The following UBE2F variants were observed in gnomAD, a reference collection of about 807,000 sequenced individuals.
The protein encoded by UBE2F is ubiquitin conjugating enzyme E2 F (putative).
UBE2F carries 5 observed loss-of-function variants against 29.6 expected under a neutral mutation model. That is an observed-to-expected ratio of 0.17 (90% CI 0.09 to 0.36). The LOEUF (loss-of-function observed/expected upper bound fraction) is 0.36. Ranked by LOEUF, UBE2F falls within the 10% of genes least tolerant of loss-of-function variation. UBE2F has a pLI of 1.00. For missense variants in UBE2F, 141 were observed against 228.5 expected (o/e 0.62, Z 2.47); for synonymous variants, 66 against 81.8 (o/e 0.81, Z 1.04).
chr2:238,018,154 G>A (rs953981982), intron 5 of UBE2F, among the ~76,000 whole-genome samples: 4 of 152,114 alleles, frequency 2.6e-5, no homozygotes, highest in Non-Finnish European at 5.9e-5. Context: ...ACCTGGCGAC[G>A]GAGCACTGCA....
Position 238,035,867 on chromosome 2 carries a change from C to T in UBE2F, c.445-11C>T. 1.2e-6 allele frequency: 2 copies of T among 1,608,926 alleles called. No individual in the cohort carries two copies. Among genetic ancestry groups the T allele is most frequent in the Non-Finnish European group, 1.7e-6 (2 of 1,177,116 alleles). ...CTCCCAATGTTTACTTTAAGTTTCT[C>T]TCTTTTTAAGGATCTTTTGAATTTT... On this transcript the variant is annotated splice_polypyrimidine_tract_variant and intron_variant, in intron 8 of 9. Transcript: ENST00000272930.
chr2:238,014,170 A>T (rs1400731377), intron 4 of UBE2F, among the ~76,000 whole-genome samples: 6 of 152,234 alleles, frequency 3.9e-5, no homozygotes, highest in Non-Finnish European at 5.9e-5. Context: ...CTTGGGTTTC[A>T]TCTCAGTCCA....
intron 5 of UBE2F, among the ~76,000 whole-genome samples, chr2:238,024,639 A>G (rs2064373683): frequency 3.9e-5 from 6 of 152,028 alleles, no homozygotes; most frequent in Non-Finnish European, 1.5e-5. Flanking sequence ...GGTATCTATC[A>G]TTAATTATAT....
At position 237,967,565 on chromosome 2, in the gene UBE2F, C is replaced by T. The variant is rs1167973953; in HGVS notation, c.-17+433C>T. 6.6e-6 allele frequency among the ~76,000 whole-genome samples: 1 copy of T among 152,106 alleles called. No homozygotes were observed. The highest frequency in any genetic ancestry group is 1.5e-5 in the Non-Finnish European group (1 of 67,978). On this transcript the variant is annotated intron_variant, in intron 1 of 9. Transcript: ENST00000272930. This position sits in a 1 kb window ranked among gnomAD's most constrained non-coding sequence, Gnocchi z 6.3. Reference sequence around the variant, plus strand: ...TCCAGCGCCTGGCCAAGGTCACCGGCCCGACGTGGCCGCAGAAACCGGGAC... The same window carrying T: ...TCCAGCGCCTGGCCAAGGTCACCGGTCCGACGTGGCCGCAGAAACCGGGAC...
chr2:237,998,516 G>A (rs189294205), intron 4 of UBE2F, among the ~76,000 whole-genome samples: 1,525 of 151,188 alleles, frequency 0.01, 15 homozygotes, highest in Middle Eastern at 0.028. Flanking sequence ...TAATGAATAT[G>A]TCATAATTTA....
intron 3 of UBE2F, among the ~76,000 whole-genome samples, chr2:237,993,229 G>A (rs1415402757): frequency 2.0e-5 from 3 of 151,950 alleles, no homozygotes; most frequent in Non-Finnish European, 4.4e-5. Flanking sequence ...CTCGTGAACC[G>A]CCTGCCTTGG....
intron 2 of UBE2F, chr2:237,986,088 C>A: frequency 3.4e-6 from 1 of 294,660 alleles, no homozygotes; most frequent in East Asian, 1.0e-4. Context: ...ATCTGTTTGT[C>A]GAATATATGA....
intron 5 of UBE2F, among the ~76,000 whole-genome samples, chr2:238,022,759 G>A (rs1320617159): frequency 2.0e-5 from 3 of 152,182 alleles, no homozygotes; most frequent in Non-Finnish European, 4.4e-5. Context: ...GGCAGGGTGA[G>A]TGATGGTGGC....
chr2:237,989,724 T>C (rs1576601076), intron 3 of UBE2F, among the ~76,000 whole-genome samples: 1 of 152,222 alleles, frequency 6.6e-6, no homozygotes, highest in African/African-American at 2.4e-5. Context: ...TGTTTCTTAC[T>C]GTGGATCTCA....
At chr2:237,969,847 TTCA>T (rs2063137842) in intron 1 of UBE2F, among the ~76,000 whole-genome samples, 1 of 152,182 alleles carries the variant, frequency 6.6e-6, no homozygotes, top group South Asian at 2.1e-4. Flanking sequence ...GTGAAGTAAC[TTCA>T]TCAGCTGAAC....
chr2:237,967,057 C>A lies in UBE2F; in HGVS notation c.-92C>A, dbSNP rs1427598146. 30 of 1,316,684 alleles carry A rather than the reference C, an allele frequency of 2.3e-5. 1 individual carries two copies. Among genetic ancestry groups the A allele is most frequent in the Middle Eastern group, 5.9e-4 (2 of 3,412 alleles). 81.6% of individuals were successfully genotyped at this position (1,316,684 alleles called of 1,614,324 possible). On this transcript the variant is annotated 5_prime_UTR_variant, in exon 1 of 10. Transcript: ENST00000272930. The surrounding 1 kb of genome is among the most constrained non-coding windows in gnomAD (Gnocchi z 6.3). ...GGGAGCCGGTGCGGCTGTGAGGGGC[C>A]GCGTCTCGCAGCAGCCGCCCGGACC...
chr2:237,977,655 G>C (rs1258950002), intron 2 of UBE2F, among the ~76,000 whole-genome samples: 1 of 152,166 alleles, frequency 6.6e-6, no homozygotes, highest in Non-Finnish European at 1.5e-5. Flanking sequence ...AAGTGGTGCT[G>C]TGGAGGCTGC....
intron 1 of UBE2F, among the ~76,000 whole-genome samples, chr2:237,969,262 G>A (rs2063123970): frequency 6.6e-6 from 1 of 152,020 alleles, no homozygotes; most frequent in African/African-American, 2.4e-5. Flanking sequence ...TCATCGTGGC[G>A]TGATTGGGGG....
At chr2:238,036,038 A>G (rs2064700572) in intron 9 of UBE2F, 98 bp downstream of exon 9, 6 of 1,091,516 alleles carry the variant, frequency 5.5e-6, no homozygotes, top group Non-Finnish European at 6.9e-6. Flanking sequence ...ATCCACCAAG[A>G]GAGTGGTGGG....
At chr2:238,030,511 C>T (rs776136282) in intron 6 of UBE2F, 45 bp from the exon 7 acceptor site, 2 of 1,488,102 alleles carry the variant, frequency 1.3e-6, no homozygotes, top group South Asian at 2.3e-5. Flanking sequence ...GTGCAGGGCA[C>T]CTGTGGCTGC....
intron 4 of UBE2F, among the ~76,000 whole-genome samples, chr2:237,998,442 TA>T (rs1436374016): frequency 6.6e-6 from 1 of 152,200 alleles, no homozygotes; most frequent in Non-Finnish European, 1.5e-5. Context: ...TTCTTTCACT[TA>T]ACATAGTTTT....
chr2:238,006,067 G>A (rs977570019), intron 4 of UBE2F, among the ~76,000 whole-genome samples: 5 of 152,176 alleles, frequency 3.3e-5, no homozygotes, highest in Non-Finnish European at 7.3e-5. Context: ...AATTTGTGAA[G>A]AAGAGGCTAA....
chr2:238,024,001 A>G (rs1470454295), intron 5 of UBE2F, among the ~76,000 whole-genome samples: 1 of 152,204 alleles, frequency 6.6e-6, no homozygotes. Flanking sequence ...GGAAGTGCCT[A>G]TTAAACTCGG....
rs1355357850 is a variant in UBE2F at position 238,016,583 on chromosome 2, G to C, written c.232G>C (p.Gly78Arg). ...TTTGATAGATGAGGGTTACTACCAG[G>C]GTGGAAAATTTCAGTTTGAAACTGA... ...TVTPDEGYYQGGKFQFETEVP... is the reference protein window; with the variant it reads ...TVTPDEGYYQRGKFQFETEVP... The change falls in exon 5 of 10, where the codon GGT becomes CGT. Residue 78 changes from glycine to arginine, a missense_variant. Transcript: ENST00000272930. 1 of 1,613,170 alleles carries C rather than the reference G, an allele frequency of 6.2e-7. No homozygotes were observed. Among genetic ancestry groups the C allele is most frequent in the East Asian group, 2.2e-5 (1 of 44,870 alleles).
Sources: allele counts gnomAD v4.1 joint callset (sites outside exome capture counted in the v4.1 genomes callset), GRCh38; gene constraint gnomAD v4.1.1; non-coding constraint Gnocchi (gnomAD v3.1); transcripts MANE v1.5; gene names NCBI Gene and HGNC (gene_info 2026-07-23, HGNC 2026-07-21).